The following XIRP2 variants were observed in gnomAD, a reference collection of about 807,000 sequenced individuals.
The protein encoded by XIRP2 is xin actin-binding repeat-containing protein 2.
XIRP2 carries 236 observed loss-of-function variants against 277.0 expected under a neutral mutation model. That is an observed-to-expected ratio of 0.85 (90% CI 0.77 to 0.95). XIRP2 has a LOEUF of 0.95. Among genes scored for constraint, XIRP2 ranks in the 40% least tolerant of loss-of-function variants. The pLI, the probability that XIRP2 is intolerant of heterozygous loss-of-function variation, is 0.00. For synonymous variants in XIRP2, 1,490 were observed against 1,416.5 expected (o/e 1.05, Z -1.17); for missense variants, 4,640 against 4,157.5 (o/e 1.12, Z -3.19).
intron 2 of XIRP2, among the ~76,000 whole-genome samples, chr2:166,929,775 CTTGT>C (rs1296782713): frequency 1.3e-5 from 2 of 152,096 alleles, no homozygotes; most frequent in South Asian, 2.1e-4. Flanking sequence ...TGGAGATGTG[CTTGT>C]TTGTTTCCTC....
chr2:167,228,174 T>C (rs1694659536), intron 5 of XIRP2, among the ~76,000 whole-genome samples: 1 of 152,158 alleles, frequency 6.6e-6, no homozygotes, highest in South Asian at 2.1e-4. Flanking sequence ...ATGAATCACA[T>C]TACATTATAG....
At chr2:167,106,116 T>C (rs541031019) in intron 2 of XIRP2, among the ~76,000 whole-genome samples, 1 of 151,754 alleles carries the variant, frequency 6.6e-6, no homozygotes, top group South Asian at 2.1e-4. Context: ...TTCTCCACTT[T>C]GCTGCTCCTC....
chr2:166,979,189 A>C lies in XIRP2; in HGVS notation c.408+75299A>C, dbSNP rs551609204. Among the ~76,000 whole-genome samples the C allele has an allele frequency of 5.9e-5, 9 of 152,214 alleles. No individual in the cohort carries two copies. The East Asian group carries it at 1.7e-3, about 29-fold the overall frequency. Reference sequence around the variant, plus strand: ...ATTTTAATTGGGAAAGATACATTCAAATATCAGTATTATCTTTGAGCTTCT... The same window carrying C: ...ATTTTAATTGGGAAAGATACATTCACATATCAGTATTATCTTTGAGCTTCT... On this transcript the variant is annotated intron_variant, in intron 2 of 10. Coordinates refer to ENST00000409195, the MANE Select transcript of XIRP2 (RefSeq NM_152381.6).
intron 3 of XIRP2, among the ~76,000 whole-genome samples, chr2:167,206,564 C>T (rs1693859276): frequency 6.6e-6 from 1 of 152,174 alleles, no homozygotes; most frequent in Admixed American, 6.5e-5. Flanking sequence ...ATCAGCCTCA[C>T]AACCCGGACA....
At position 166,936,915 on chromosome 2, in the gene XIRP2, T is replaced by C. The variant is rs1574093837; in HGVS notation, c.408+33025T>C. On this transcript the variant is annotated intron_variant, in intron 2 of 10. Coordinates refer to ENST00000409195, the MANE Select transcript of XIRP2 (RefSeq NM_152381.6). ...ATGTGGGCCCTTTTTTGGTTCCATATGGACTTTAAAGTAGTTTTTTCCAAT... is the reference window on the plus strand; with the variant it reads ...ATGTGGGCCCTTTTTTGGTTCCATACGGACTTTAAAGTAGTTTTTTCCAAT... 2.6e-5 allele frequency among the ~76,000 whole-genome samples: 4 copies of C among 152,308 alleles called. No homozygotes were observed. The East Asian group carries it at 7.7e-4, about 29-fold the overall frequency.
At chr2:167,089,921 C>T (rs1033984599) in intron 2 of XIRP2, among the ~76,000 whole-genome samples, 7 of 151,982 alleles carry the variant, frequency 4.6e-5, no homozygotes, top group South Asian at 4.2e-4. Flanking sequence ...CTGGACCTTA[C>T]GAGAAAAAAG....
At chr2:166,956,967 T>C (rs1223023374) in intron 2 of XIRP2, among the ~76,000 whole-genome samples, 1 of 151,874 alleles carries the variant, frequency 6.6e-6, no homozygotes, top group Non-Finnish European at 1.5e-5. Context: ...TAACTAACCA[T>C]ACATACTGCA....
chr2:167,247,308 C>T lies in XIRP2; in HGVS notation c.5916C>T (p.Asn1972=), dbSNP rs1341916739. ...TTCATCAGGTTGCTGTCCAGAGGAACAAAAATAGTCTTCTTCAGCCAAAGC... is the reference window on the plus strand; with the variant it reads ...TTCATCAGGTTGCTGTCCAGAGGAATAAAAATAGTCTTCTTCAGCCAAAGC... ...TDIHQVAVQR[N]KNSLLQPKPG... The change falls in exon 9 of 11, where the codon AAC becomes AAT. Residue 1972 remains asparagine (N), a synonymous_variant. Transcript: ENST00000409195. The T allele has an allele frequency of 6.2e-7, 1 of 1,613,658 alleles. No individual in the cohort carries two copies. Among genetic ancestry groups the T allele is most frequent in the Admixed American group, 1.7e-5 (1 of 59,976 alleles).
intron 2 of XIRP2, among the ~76,000 whole-genome samples, chr2:167,050,320 T>G (rs1574205071): frequency 1.3e-5 from 2 of 152,210 alleles, no homozygotes; most frequent in Non-Finnish European, 2.9e-5. Context: ...GTCTCCAGAC[T>G]ACTTTGGTTA....
intron 2 of XIRP2, among the ~76,000 whole-genome samples, chr2:166,926,283 T>A (rs1324023851): frequency 6.6e-6 from 1 of 152,084 alleles, no homozygotes; most frequent in Non-Finnish European, 1.5e-5. Flanking sequence ...CTACCCTCCT[T>A]CATTATTGTG....
intron 2 of XIRP2, among the ~76,000 whole-genome samples, chr2:166,960,638 T>A (rs1411052537): frequency 6.6e-6 from 1 of 151,784 alleles, no homozygotes; most frequent in Non-Finnish European, 1.5e-5. Flanking sequence ...AGGGGTAAAC[T>A]TAGTATGGGA....
chr2:166,929,820 C>T (rs1685281389), intron 2 of XIRP2, among the ~76,000 whole-genome samples: 1 of 152,048 alleles, frequency 6.6e-6, no homozygotes, highest in African/African-American at 2.4e-5. Flanking sequence ...CGTAAGATGA[C>T]TTCATCAGTT....
At chr2:167,095,851 C>CTTTTTTTTTTTTTTTTT (rs60405920) in intron 2 of XIRP2, among the ~76,000 whole-genome samples, 1 of 47,244 alleles carries the variant, frequency 2.1e-5, no homozygotes, top group Non-Finnish European at 4.8e-5. Context: ...AGGCGTCACT[C>CTTTTTTTTTTTTTTTTT]TTTTTTTTTT....
chr2:167,193,751 G>A (rs1250927271), intron 3 of XIRP2, among the ~76,000 whole-genome samples: 1 of 151,816 alleles, frequency 6.6e-6, no homozygotes, highest in Admixed American at 6.6e-5. Flanking sequence ...GGTGGTGCGT[G>A]CCTGTAATCC....
intron 3 of XIRP2, among the ~76,000 whole-genome samples, chr2:167,144,860 A>G (rs1373524883): frequency 1.3e-5 from 2 of 152,298 alleles, no homozygotes; most frequent in South Asian, 2.1e-4. Context: ...TAGATTTTGC[A>G]TAGAATAATT....
At chr2:166,980,707 C>G (rs1314370570) in intron 2 of XIRP2, among the ~76,000 whole-genome samples, 11 of 152,178 alleles carry the variant, frequency 7.2e-5, no homozygotes, top group Admixed American at 7.2e-4. Context: ...CATGAGCCAC[C>G]ATGCCCAGTC....
chr2:167,249,916 G>T lies in XIRP2; in HGVS notation c.8524G>T (p.Glu2842Ter). Residue 2842 changes from glutamate (E) to a stop codon, truncating the protein, a stop_gained, in exon 9 of 11, where the codon GAA becomes TAA. Coordinates refer to ENST00000409195, the MANE Select transcript of XIRP2 (RefSeq NM_152381.6). LOFTEE classifies it high-confidence loss of function. Reference sequence around the variant, plus strand: ...GAGATTAATAACTGAAAGAAAACACGAACATCTGAAGAATAAATCAGCACC... The same window carrying T: ...GAGATTAATAACTGAAAGAAAACACTAACATCTGAAGAATAAATCAGCACC... ...EERLITERKH[E>*]HLKNKSAPKV... is the part of the protein sequence containing the mutation. The T allele has an allele frequency of 3.7e-6, 6 of 1,613,286 alleles. No homozygotes were observed. Among genetic ancestry groups the T allele is most frequent in the Non-Finnish European group, 5.1e-6 (6 of 1,179,646 alleles).
intron 3 of XIRP2, among the ~76,000 whole-genome samples, chr2:167,178,435 T>A (rs1692915955): frequency 6.6e-6 from 1 of 152,192 alleles, no homozygotes; most frequent in Non-Finnish European, 1.5e-5. Context: ...TTATTTCTAG[T>A]TACTTAGTTG....
At chr2:166,888,744 C>T (rs1421535999) in intron 1 of XIRP2, among the ~76,000 whole-genome samples, 187 bp downstream of exon 1, 1 of 152,202 alleles carries the variant, frequency 6.6e-6, no homozygotes, top group East Asian at 1.9e-4. Context: ...GTGACAGACA[C>T]TGCTGCTAGA....
Sources: allele counts gnomAD v4.1 joint callset (sites outside exome capture counted in the v4.1 genomes callset), GRCh38; gene constraint gnomAD v4.1.1; transcripts MANE v1.5; gene names NCBI Gene and HGNC (gene_info 2026-07-23, HGNC 2026-07-21).